The following NBAS variants were observed in gnomAD, a reference collection of about 807,000 sequenced individuals.
The protein encoded by NBAS is NAG/BC035112 fusion.
NBAS carries 219 observed loss-of-function variants against 302.5 expected under a neutral mutation model. That is an observed-to-expected ratio of 0.72 (90% CI 0.65 to 0.81). NBAS has a LOEUF of 0.81. Among genes scored for constraint, NBAS ranks in the 30% least tolerant of loss-of-function variants. The pLI is 0.00. For missense variants in NBAS, 2,932 were observed against 2,841.6 expected, an observed-to-expected ratio of 1.03 and a Z score of -0.72; for synonymous variants, 1,118 against 1,021.6, an observed-to-expected ratio of 1.09 and a Z score of -1.80.
At chr2:15,212,509 C>T (rs577434631) in intron 48 of NBAS, among the ~76,000 whole-genome samples, 17 of 152,190 alleles carry the variant, frequency 1.1e-4, no homozygotes, top group Non-Finnish European at 1.3e-4. Flanking sequence ...TCACTGCTTC[C>T]AGACACAGTG....
chr2:15,327,367 A>T (rs1672119148), intron 38 of NBAS, among the ~76,000 whole-genome samples: 1 of 152,194 alleles, frequency 6.6e-6, no homozygotes, highest in Non-Finnish European at 1.5e-5. Context: ...TTCCACATGG[A>T]AAGATATTCC....
At chr2:14,782,229 C>G in the NBAS span, among the ~76,000 whole-genome samples, 3 of 152,036 alleles carry the variant, frequency 2.0e-5, no homozygotes, top group Admixed American at 2.0e-4. Flanking sequence ...GCTTCCTAAG[C>G]TAGGAAGCAT....
rs374831363 is a variant in NBAS at position 15,379,688 on chromosome 2, T to C, written c.3504A>G (p.Glu1168=). 6.2e-7 allele frequency: 1 copy of C among 1,613,928 alleles called. No individual in the cohort carries two copies. Among genetic ancestry groups the C allele is most frequent in the Non-Finnish European group, 8.5e-7 (1 of 1,180,002 alleles). ...KGKPHYRVSY[E]KSIDLVLAAS... ...CAGCCAAAACCAAGTCAATACTCTT[T>C]TCGTAGCTGACCCTGTAGTGGGGTT... The change falls in exon 30 of 52, where the codon GAA becomes GAG. Residue 1168 remains glutamate (E), a synonymous_variant. Coordinates refer to ENST00000281513, the MANE Select transcript of NBAS (RefSeq NM_015909.4).
chr2:14,841,551 T>G, the NBAS span, among the ~76,000 whole-genome samples: 1 of 147,862 alleles, frequency 6.8e-6, no homozygotes, highest in African/African-American at 2.5e-5. Flanking sequence ...TAAAATAGAC[T>G]ACAAATAAAA....
chr2:15,406,469 C>A lies in NBAS; in HGVS notation c.2938-4168G>T, dbSNP rs73200603. 3.3e-5 allele frequency among the ~76,000 whole-genome samples: 5 copies of A among 152,116 alleles called. No individual in the cohort carries two copies. In the South Asian group the frequency reaches 1.0e-3, roughly 32 times the overall value. Reference sequence around the variant, plus strand: ...AAACCATGCAAGTACTAGAAGAAAACGTGAGAGAATTCTTCCTTAACTCTG... The same window carrying A: ...AAACCATGCAAGTACTAGAAGAAAAAGTGAGAGAATTCTTCCTTAACTCTG... On this transcript the variant is annotated intron_variant, in intron 25 of 51. Transcript: ENST00000281513.
the NBAS span, among the ~76,000 whole-genome samples, chr2:15,142,079 T>C: frequency 6.6e-6 from 1 of 152,194 alleles, no homozygotes; most frequent in Non-Finnish European, 1.5e-5. Flanking sequence ...GGAATACCCA[T>C]TCATCTCCAC....
chr2:14,931,174 GT>G, the NBAS span, among the ~76,000 whole-genome samples: 1 of 152,252 alleles, frequency 6.6e-6, no homozygotes, highest in Non-Finnish European at 1.5e-5. Flanking sequence ...AGGGACAGAA[GT>G]GAGGCAGGAT....
the NBAS span, among the ~76,000 whole-genome samples, chr2:14,779,289 C>CT: frequency 1.3e-5 from 2 of 152,184 alleles, no homozygotes; most frequent in Non-Finnish European, 2.9e-5. Context: ...ACACAGTGAC[C>CT]TCCTAACAGG....
chr2:15,539,136 A>C (rs1663668259), intron 7 of NBAS, 87 bp downstream of exon 7: 2 of 1,527,328 alleles, frequency 1.3e-6, no homozygotes, highest in Non-Finnish European at 9.1e-7. Flanking sequence ...TATTTGTATT[A>C]TCCCCCCCTT....
At chr2:15,033,795 A>G in the NBAS span, among the ~76,000 whole-genome samples, 1 of 151,878 alleles carries the variant, frequency 6.6e-6, no homozygotes, top group Non-Finnish European at 1.5e-5. Context: ...AAAAATAACA[A>G]AAATTAGCCA....
At chr2:15,415,792 G>C in intron 24 of NBAS, 73 bp from the exon 25 acceptor site, 1 of 1,514,852 alleles carries the variant, frequency 6.6e-7, no homozygotes, top group Non-Finnish European at 9.2e-7. Flanking sequence ...ATCAGACAGC[G>C]AGTTCTAAAG....
chr2:15,419,674 A>C (rs1677116153), intron 23 of NBAS, among the ~76,000 whole-genome samples: 1 of 151,998 alleles, frequency 6.6e-6, no homozygotes, highest in East Asian at 1.9e-4. Flanking sequence ...GAAGAAGAAA[A>C]CAAAATCTGT....
intron 50 of NBAS, among the ~76,000 whole-genome samples, chr2:15,181,144 A>G (rs1385324332): frequency 6.6e-6 from 1 of 152,234 alleles, no homozygotes; most frequent in Non-Finnish European, 1.5e-5. Context: ...CTCCTTGTAT[A>G]TAATTCCCTC....
chr2:15,360,346 A>C (rs763079174), intron 32 of NBAS, among the ~76,000 whole-genome samples: 2 of 136,824 alleles, frequency 1.5e-5, no homozygotes, highest in Non-Finnish European at 3.3e-5. Flanking sequence ...AAAAAAAAAA[A>C]CAAAACAAAA....
chr2:14,859,748 G>T, the NBAS span, among the ~76,000 whole-genome samples: 1 of 151,986 alleles, frequency 6.6e-6, no homozygotes, highest in African/African-American at 2.4e-5. Flanking sequence ...GAAAACATTG[G>T]GAAAATGCTC....
At chr2:14,988,347 G>A in the NBAS span, among the ~76,000 whole-genome samples, 1 of 152,092 alleles carries the variant, frequency 6.6e-6, no homozygotes. Context: ...AATATAAACA[G>A]ACCCAGATAC....
At chr2:15,468,238 T>C in intron 17 of NBAS, 144 bp downstream of exon 17, 1 of 916,388 alleles carries the variant, frequency 1.1e-6, no homozygotes, top group Non-Finnish European at 1.7e-6. Flanking sequence ...GAGCAATGAC[T>C]TCAGGTAAGA....
At chr2:15,498,875 CTG>C (rs2148627119) in intron 11 of NBAS, among the ~76,000 whole-genome samples, 2 of 151,792 alleles carry the variant, frequency 1.3e-5, no homozygotes, top group East Asian at 3.9e-4. Context: ...GTCTGCAGAA[CTG>C]TGAGTCAATT....
At chr2:14,793,444 T>A in the NBAS span, among the ~76,000 whole-genome samples, 5 of 152,260 alleles carry the variant, frequency 3.3e-5, no homozygotes, top group South Asian at 1.0e-3. Context: ...AGCAGAATAT[T>A]GATGACAGAG....
Sources: gnomAD v4.1 joint callset for allele counts (sites outside exome capture counted in the v4.1 genomes callset) on GRCh38, gnomAD v4.1.1 for gene constraint, MANE v1.5 for transcripts, NCBI Gene and HGNC (gene_info 2026-07-23, HGNC 2026-07-21) for gene names.